Variants in STX16 observed in about 807,000 individuals in gnomAD.
STX16 encodes syntaxin 16, also known as syntaxin-16.
STX16 carries 28 observed loss-of-function variants against 42.7 expected under a neutral mutation model. The observed-to-expected ratio is 0.66, with a 90% CI of 0.49 to 0.90. The LOEUF is 0.90. STX16 is among the 40% of genes least tolerant of loss of function. STX16 has a pLI of 0.00. For synonymous variants in STX16, 156 were observed against 155.2 expected, an observed-to-expected ratio of 1.00 and a Z score of -0.04; for missense variants, 361 against 420.9, an observed-to-expected ratio of 0.86 and a Z score of 1.24.
chr20:58,659,763 T>G (rs949493899), intron 2 of STX16, 129 bp downstream of exon 2: 2 of 964,364 alleles, frequency 2.1e-6, no homozygotes, highest in South Asian at 3.5e-5. Flanking sequence ...TTTGATTACT[T>G]TATAATTTTT....
rs1399083416 is a variant in STX16 at position 58,676,433 on chromosome 20, C to T, written c.*142C>T. On this transcript the variant is annotated 3_prime_UTR_variant, in exon 9 of 9. Coordinates refer to ENST00000371141, the MANE Select transcript of STX16 (RefSeq NM_001001433.3). ...GGCAGCGAACCTTTGCATCCACGGACTCCTCCTTCCCTAGTCCTGCTCAAG... is the reference window on the plus strand; with the variant it reads ...GGCAGCGAACCTTTGCATCCACGGATTCCTCCTTCCCTAGTCCTGCTCAAG... 1.1e-5 allele frequency: 8 copies of T among 695,748 alleles called. No homozygotes were observed. Among genetic ancestry groups the T allele is most frequent in the East Asian group, 2.6e-5 (1 of 38,276 alleles). 43.1% of individuals were successfully genotyped at this position (695,748 alleles called of 1,614,324 possible). A position where few individuals can be genotyped will look rare whatever the true frequency, so the allele number is the denominator to read the frequency against.
At chr20:58,670,368 C>G (rs1313345719) in intron 5 of STX16, 144 bp from the exon 6 acceptor site, 2 of 616,962 alleles carry the variant, frequency 3.2e-6, no homozygotes, top group South Asian at 1.9e-5. Context: ...CCTCCACCCC[C>G]ATTGGAGATA....
rs536036062 is a variant in STX16, at chr20:58,651,912, A to C, written c.-95A>C. ...GGCCTTGTCGAGAAGCTTCCGTGAA[A>C]GGGTGGGCCAGCCGGGCCACGAGAA... is the stretch of plus-strand genomic sequence containing the variant. On this transcript the variant is annotated 5_prime_UTR_variant, in exon 1 of 9. Coordinates refer to ENST00000371141, the MANE Select transcript of STX16 (RefSeq NM_001001433.3). 2 of 1,381,178 alleles carry C rather than the reference A, an allele frequency of 1.4e-6. No homozygotes were observed. Among genetic ancestry groups the C allele is most frequent in the Non-Finnish European group, 2.0e-6 (2 of 991,554 alleles). The allele number at this position is 1,381,178 out of a possible 1,614,324, so 85.6% of individuals were successfully genotyped here.
chr20:58,669,020 G>A (rs1416719581), intron 4 of STX16, among the ~76,000 whole-genome samples: 1 of 152,178 alleles, frequency 6.6e-6, no homozygotes, highest in South Asian at 2.1e-4. Flanking sequence ...CCAATCCCAA[G>A]CATTTCGGAT....
At position 58,652,319 on chromosome 20, in the gene STX16, G is replaced by A. The variant is rs545106500; in HGVS notation, c.132+181G>A. 8.3e-5 allele frequency: 73 copies of A among 875,394 alleles called. 1 individual carries two copies. In the Admixed American group the frequency reaches 1.1e-3, roughly 14 times the overall value. 54.2% of individuals were successfully genotyped at this position (875,394 alleles called of 1,614,324 possible). A position where few individuals can be genotyped will look rare whatever the true frequency, so the allele number is the denominator to read the frequency against. ...TAGCCCTGGATGAGGAAGAAGCGGT[G>A]CTGTGAGGCCGCAGCTCCACCTCTG... On this transcript the variant is annotated intron_variant, in intron 1 of 8. Transcript: ENST00000371141.
intron 7 of STX16, among the ~76,000 whole-genome samples, 169 bp downstream of exon 7, chr20:58,671,466 GTGTGTGTA>G (rs1184855391): frequency 1.8e-3 from 205 of 111,052 alleles, no homozygotes; most frequent in African/African-American, 7.6e-3. Flanking sequence ...GTGTGTGTGT[GTGTGTGTA>G]TATTAATATT....
rs2083607779 is a variant in STX16 at position 58,657,428 on chromosome 20, C to A, written c.133-2195C>A. Among the ~76,000 whole-genome samples the A allele has an allele frequency of 6.6e-6, 1 of 152,198 alleles. No homozygotes were observed. Among genetic ancestry groups the A allele is most frequent in the African/African-American group, 2.4e-5 (1 of 41,444 alleles). On this transcript the variant is annotated intron_variant, in intron 1 of 8. Transcript: ENST00000371141. The surrounding 1 kb of genome is among the most constrained non-coding windows in gnomAD (Gnocchi z 4.2). ...AGTAACGGAAATAAAGTAAATATCA[C>A]TATAGCATAGACCTGTGTTTCCAAC...
At chr20:58,665,754 G>A (rs574460465) in intron 2 of STX16, among the ~76,000 whole-genome samples, 5 of 152,148 alleles carry the variant, frequency 3.3e-5, no homozygotes, top group South Asian at 2.1e-4. Context: ...TGCAGCATCC[G>A]TGCCACGCTT....
intron 1 of STX16, among the ~76,000 whole-genome samples, chr20:58,653,765 G>T (rs2083525588): frequency 6.6e-6 from 1 of 151,758 alleles, no homozygotes; most frequent in Admixed American, 6.6e-5. Flanking sequence ...GATTTCTAAG[G>T]TATCAGTTTT....
At chr20:58,654,049 T>TA (rs1274915237) in intron 1 of STX16, among the ~76,000 whole-genome samples, 2 of 152,148 alleles carry the variant, frequency 1.3e-5, no homozygotes. Flanking sequence ...GAAAAATAGA[T>TA]ATGTCAGGGT....
intron 8 of STX16, among the ~76,000 whole-genome samples, chr20:58,674,901 AG>A (rs2123023247): frequency 6.6e-6 from 1 of 152,386 alleles, no homozygotes; most frequent in East Asian, 1.9e-4. Context: ...CACAGATAAA[AG>A]GAAAAGCTTT....
At chr20:58,661,732 G>A (rs1408637178) in intron 2 of STX16, among the ~76,000 whole-genome samples, 1 of 152,226 alleles carries the variant, frequency 6.6e-6, no homozygotes, top group Admixed American at 6.5e-5. Flanking sequence ...AGGAGCAGGG[G>A]GTGTGGTTGG....
intron 7 of STX16, among the ~76,000 whole-genome samples, chr20:58,673,139 AT>A (rs1296036142): frequency 6.6e-6 from 1 of 152,152 alleles, no homozygotes; most frequent in African/African-American, 2.4e-5. Context: ...GGAGTTTACC[AT>A]TTCCTGCTCT....
At chr20:58,672,920 G>C (rs1052403134) in intron 7 of STX16, among the ~76,000 whole-genome samples, 8 of 152,184 alleles carry the variant, frequency 5.3e-5, no homozygotes, top group Non-Finnish European at 1.2e-4. Flanking sequence ...CTGCAGAATG[G>C]AGTGTTCAGG....
At chr20:58,668,192 A>G in intron 4 of STX16, 65 bp downstream of exon 4, 1 of 1,583,432 alleles carries the variant, frequency 6.3e-7, no homozygotes, top group Non-Finnish European at 8.6e-7. Context: ...CAGAAACTAG[A>G]GTGTTACTCA....
Position 58,657,107 on chromosome 20 carries a change from C to T in STX16, c.133-2516C>T, listed in dbSNP as rs1172056408. On this transcript the variant is annotated intron_variant, in intron 1 of 8. Coordinates refer to ENST00000371141, the MANE Select transcript of STX16 (RefSeq NM_001001433.3). This position sits in a 1 kb window ranked among gnomAD's most constrained non-coding sequence, Gnocchi z 4.2. ...TGCAGATCCTGGAAAATGGAAGGAC[C>T]TATTGTTTTAAAACAATTTTTTTTC... Among the ~76,000 whole-genome samples, 1 of 152,200 alleles carries T rather than the reference C, an allele frequency of 6.6e-6. No homozygotes were observed. Among genetic ancestry groups the T allele is most frequent in the Non-Finnish European group, 1.5e-5 (1 of 68,038 alleles).
At chr20:58,659,670 T>C (rs765135846) in intron 2 of STX16, 36 bp downstream of exon 2, 10 of 1,609,814 alleles carry the variant, frequency 6.2e-6, no homozygotes, top group Non-Finnish European at 8.5e-6. Flanking sequence ...TGTTGGGTAA[T>C]TTGAGTTTAT....
At position 58,667,568 on chromosome 20, in the gene STX16, C is replaced by T. The variant is rs771356236; in HGVS notation, c.223C>T (p.Pro75Ser). 4.3e-6 allele frequency: 7 copies of T among 1,614,100 alleles called. No individual in the cohort carries two copies. The Admixed American group carries it at 5.0e-5, about 12-fold the overall frequency. The change falls in exon 3 of 9, where the codon CCT becomes TCT. Residue 75 changes from proline to serine, a missense_variant. By Grantham distance (74) the Pro-to-Ser change is moderately conservative. Coordinates refer to ENST00000371141, the MANE Select transcript of STX16 (RefSeq NM_001001433.3). ...EAAIGVTKRP[P>S]PKWVDGVDEI... ...AGCGATTGGTGTGACAAAACGGCCA[C>T]CTCCTAAGTGGGTGGATGGAGTGGA... is the stretch of plus-strand genomic sequence containing the variant.
intron 8 of STX16, 30 bp downstream of exon 8, chr20:58,673,741 T>A: frequency 6.7e-7 from 1 of 1,490,680 alleles, no homozygotes; most frequent in South Asian, 1.1e-5. Flanking sequence ...TTGGGAATCT[T>A]AGGAACTATT....
Sources: gnomAD v4.1 joint callset for allele counts (sites outside exome capture counted in the v4.1 genomes callset) on GRCh38, gnomAD v4.1.1 for gene constraint, Gnocchi (gnomAD v3.1) non-coding constraint, MANE v1.5 for transcripts, NCBI Gene and HGNC (gene_info 2026-07-23, HGNC 2026-07-21) for gene names.